Variants in MAN1C1 observed in about 807,000 individuals in gnomAD.
MAN1C1 encodes the protein mannosidase alpha class 1C member 1, also known as mannosyl-oligosaccharide 1,2-alpha-mannosidase IC.
Under a neutral mutation model 71.5 loss-of-function variants are expected in MAN1C1, and 49 were observed. The ratio of observed to expected loss-of-function variants is 0.69; its 90% CI spans 0.54 to 0.87. MAN1C1 has a LOEUF of 0.87. Among genes scored for constraint, MAN1C1 ranks in the 40% least tolerant of loss-of-function variants. The pLI, the probability that MAN1C1 is intolerant of heterozygous loss-of-function variation, is 0.00. For synonymous variants in MAN1C1, 352 were observed against 343.7 expected (o/e 1.02, Z -0.27); for missense variants, 743 against 835.0 (o/e 0.89, Z 1.36).
At chr1:25,680,085 C>T (rs552171314) in intron 1 of MAN1C1, among the ~76,000 whole-genome samples, 26 of 151,202 alleles carry the variant, frequency 1.7e-4, no homozygotes, top group South Asian at 1.5e-3. Context: ...ATTTTTGAGA[C>T]GGAGTCTTGC....
At chr1:25,672,894 C>CG (rs1453448366) in intron 1 of MAN1C1, among the ~76,000 whole-genome samples, 2 of 151,974 alleles carry the variant, frequency 1.3e-5, no homozygotes. Context: ...ATGGGGCTGG[C>CG]GGTTGGAGGC....
intron 1 of MAN1C1, among the ~76,000 whole-genome samples, chr1:25,676,110 G>A (rs2046063839): frequency 1.3e-5 from 2 of 152,186 alleles, no homozygotes. Context: ...TTCTCTGCCT[G>A]TATGGCCCAC....
rs560057151 is a variant in MAN1C1, at chr1:25,635,701, G to A, written c.540+17364G>A. Reference sequence around the variant, plus strand: ...TGACCTCATGTGATCCACCCACCTCGGCCTCCCAAAGTGCCAGGATGATAG... The same window carrying A: ...TGACCTCATGTGATCCACCCACCTCAGCCTCCCAAAGTGCCAGGATGATAG... On this transcript the variant is annotated intron_variant, in intron 1 of 11. Transcript: ENST00000374332. Among the ~76,000 whole-genome samples, 50 of 152,002 alleles carry A rather than the reference G, an allele frequency of 3.3e-4. 1 individual carries two copies. In the South Asian group the frequency reaches 9.1e-3, roughly 28 times the overall value.
intron 6 of MAN1C1, 94 bp downstream of exon 6, chr1:25,758,803 G>A: frequency 8.9e-7 from 1 of 1,121,074 alleles, no homozygotes; most frequent in Non-Finnish European, 1.4e-6. Flanking sequence ...CTCCCTCATG[G>A]ATCAGCAGGA....
chr1:25,713,580 T>C lies in MAN1C1; in HGVS notation c.637+27044T>C, dbSNP rs557338598. On this transcript the variant is annotated intron_variant, in intron 2 of 11. Transcript: ENST00000374332. ...TCTCTGGAGGCTGGAACTATTTTGC[T>C]AGAGGTGTTTGGATGCTGCTGTCTA... 5.3e-5 allele frequency among the ~76,000 whole-genome samples: 8 copies of C among 152,274 alleles called. No individual in the cohort carries two copies. In the East Asian group the frequency reaches 1.5e-3, roughly 29 times the overall value.
chr1:25,692,129 G>C (rs1408563081), intron 2 of MAN1C1, among the ~76,000 whole-genome samples: 4 of 152,200 alleles, frequency 2.6e-5, no homozygotes, highest in African/African-American at 9.7e-5. Flanking sequence ...GGGGGACCGG[G>C]ACTGGAACTC....
rs550125942 is a variant in MAN1C1, at chr1:25,773,009, A to G, written c.1257+1237A>G. Among the ~76,000 whole-genome samples, 4 of 152,170 alleles carry G rather than the reference A, an allele frequency of 2.6e-5. No homozygotes were observed. The South Asian group carries it at 8.3e-4, about 32-fold the overall frequency. On this transcript the variant is annotated intron_variant, in intron 8 of 11. Transcript: ENST00000374332. Reference sequence around the variant, plus strand: ...AACTACCATTCCCAGCCTGTCACATACTCAGGCTTATTCTCTTCACCTTCA... The same window carrying G: ...AACTACCATTCCCAGCCTGTCACATGCTCAGGCTTATTCTCTTCACCTTCA...
intron 1 of MAN1C1, among the ~76,000 whole-genome samples, chr1:25,632,853 G>C (rs570023383): frequency 1.8e-4 from 27 of 148,294 alleles, no homozygotes; most frequent in African/African-American, 6.5e-4. Flanking sequence ...GAAGATACTT[G>C]ATACAATTTT....
intron 2 of MAN1C1, among the ~76,000 whole-genome samples, chr1:25,743,278 A>C (rs2047085395): frequency 6.6e-6 from 1 of 152,236 alleles, no homozygotes; most frequent in Non-Finnish European, 1.5e-5. Flanking sequence ...CCATGGCTTC[A>C]GAACTGGAAC....
chr1:25,623,204 C>T (rs2045241490), intron 1 of MAN1C1, among the ~76,000 whole-genome samples: 3 of 152,184 alleles, frequency 2.0e-5, no homozygotes, highest in South Asian at 4.1e-4. Context: ...CTCCTCCTTC[C>T]GTAGGACCAA....
chr1:25,763,743 G>A (rs747708201), intron 6 of MAN1C1, 131 bp from the exon 7 acceptor site: 19 of 730,830 alleles, frequency 2.6e-5, no homozygotes, highest in Middle Eastern at 2.4e-4. Context: ...CCGTTGGGCA[G>A]CTCTCCCTTC....
At chr1:25,621,999 G>T (rs1444850602) in intron 1 of MAN1C1, among the ~76,000 whole-genome samples, 1 of 152,206 alleles carries the variant, frequency 6.6e-6, no homozygotes, top group African/African-American at 2.4e-5. Flanking sequence ...AAGGGAATTA[G>T]GCTGGCTGGG....
chr1:25,636,837 C>T (rs543902862), intron 1 of MAN1C1, among the ~76,000 whole-genome samples: 1 of 152,310 alleles, frequency 6.6e-6, no homozygotes, highest in South Asian at 2.1e-4. Context: ...TCCAGCTGGT[C>T]CCTCCGTTCA....
chr1:25,773,650 G>T (rs2047582782), intron 8 of MAN1C1, among the ~76,000 whole-genome samples: 1 of 152,200 alleles, frequency 6.6e-6, no homozygotes, highest in African/African-American at 2.4e-5. Context: ...TAAAGTTAAT[G>T]AGCAGCCAGG....
At position 25,766,348 on chromosome 1, in the gene MAN1C1, GT is replaced by G. The variant is rs61300222; in HGVS notation, c.1141+2391del. ...TCAGGTTTCCTGTGGTTTTTTGTTG[GT>G]TTTTTTTTTGGTGCATACGTATTCT... On this transcript the variant is annotated intron_variant, in intron 7 of 11. Coordinates refer to ENST00000374332, the MANE Select transcript of MAN1C1 (RefSeq NM_020379.4). 6.6e-3 allele frequency among the ~76,000 whole-genome samples: 974 copies of G among 147,788 alleles called. 13 individuals carry two copies. Among genetic ancestry groups the G allele is most frequent in the African/African-American group, 0.022 (882 of 40,448 alleles).
At chr1:25,713,347 GA>G (rs2046638770) in intron 2 of MAN1C1, among the ~76,000 whole-genome samples, 1 of 152,232 alleles carries the variant, frequency 6.6e-6, no homozygotes, top group Admixed American at 6.5e-5. Flanking sequence ...CTTTATAGAT[GA>G]GGAAACAGAC....
At chr1:25,663,488 A>G (rs905572203) in intron 1 of MAN1C1, among the ~76,000 whole-genome samples, 2 of 152,244 alleles carry the variant, frequency 1.3e-5, no homozygotes, top group African/African-American at 2.4e-5. Flanking sequence ...ATTTAGAACA[A>G]TTAATCTACT....
At chr1:25,783,034 C>G (rs982098682) in intron 11 of MAN1C1, among the ~76,000 whole-genome samples, 2 of 152,184 alleles carry the variant, frequency 1.3e-5, no homozygotes, top group African/African-American at 4.8e-5. Flanking sequence ...ATGATGATGT[C>G]AGTGCTGGTT....
chr1:25,682,459 T>G (rs998299395), intron 1 of MAN1C1, among the ~76,000 whole-genome samples: 2 of 152,134 alleles, frequency 1.3e-5, no homozygotes, highest in African/African-American at 4.8e-5. Flanking sequence ...TCTGCCCATT[T>G]CCAAAAGAAC....
Sources: allele counts gnomAD v4.1 joint callset (sites outside exome capture counted in the v4.1 genomes callset), GRCh38; gene constraint gnomAD v4.1.1; transcripts MANE v1.5; gene names NCBI Gene and HGNC (gene_info 2026-07-23, HGNC 2026-07-21).